The following MGAM2 variants were observed in gnomAD, a reference collection of about 807,000 sequenced individuals.
MGAM2 encodes maltase-glucoamylase 2 (putative), also known as probable maltase-glucoamylase 2.
MGAM2 carries 98 observed loss-of-function variants against 96.1 expected under a neutral mutation model. The ratio of observed to expected loss-of-function variants is 1.02; its 90% CI spans 0.87 to 1.21. The LOEUF is 1.21. Ranked by LOEUF, MGAM2 falls within the 50% of genes most tolerant of loss-of-function variation. The pLI, the probability that MGAM2 is intolerant of heterozygous loss-of-function variation, is 0.00. For synonymous variants in MGAM2, 749 were observed against 414.8 expected (o/e 1.81, Z -9.79); for missense variants, 2,055 against 1,182.4 (o/e 1.74, Z -10.82).
intron 3 of MGAM2, among the ~76,000 whole-genome samples, chr7:142,126,805 T>C (rs941377087): frequency 1.3e-5 from 2 of 152,152 alleles, no homozygotes; most frequent in Admixed American, 6.5e-5. Flanking sequence ...TTAGATTGAT[T>C]GATTTGCCAG....
chr7:142,179,562 T>C (rs73158460), intron 32 of MGAM2, among the ~76,000 whole-genome samples: 28,739 of 152,126 alleles, frequency 0.19, 2,992 homozygotes, highest in East Asian at 0.34. Context: ...GGTTTTATCA[T>C]GAAGGATGTT....
intron 37 of MGAM2, among the ~76,000 whole-genome samples, chr7:142,192,165 G>A (rs1796890449): frequency 6.6e-6 from 1 of 152,106 alleles, no homozygotes; most frequent in Admixed American, 6.6e-5. Context: ...AACAGGTGAT[G>A]TATCATGTTG....
At chr7:142,120,447 G>A (rs1585139101) in intron 3 of MGAM2, 66 bp downstream of exon 3, 1 of 682,708 alleles carries the variant, frequency 1.5e-6, no homozygotes, top group Non-Finnish European at 2.7e-6. Flanking sequence ...AATATGTGAA[G>A]TGGGGAAAGG....
chr7:142,153,824 TA>T (rs1795653860), intron 15 of MGAM2, among the ~76,000 whole-genome samples, 193 bp from the exon 16 acceptor site: 1 of 152,204 alleles, frequency 6.6e-6, no homozygotes, highest in African/African-American at 2.4e-5. Context: ...TGTACTGTCT[TA>T]TATGAGATCT....
chr7:142,220,013 C>T lies in MGAM2; in HGVS notation c.5502C>T (p.Thr1834=), dbSNP rs1186245949. Residue 1834 remains threonine, a synonymous_variant, in exon 48 of 48, where the codon ACC becomes ACT. Transcript: ENST00000477922. ...PMSSHPSPST[T]NATSSETITS... is the part of the protein sequence containing the mutation. ...GTTCTCATCCTTCTCCATCTACTAC[C>T]AATGCCACCAGTTCTGAGACAATCA... 1 of 702,776 alleles carries T rather than the reference C, an allele frequency of 1.4e-6. No individual in the cohort carries two copies. The highest frequency in any genetic ancestry group is 2.6e-6 in the Non-Finnish European group (1 of 384,942). The allele number at this position is 702,776 out of a possible 1,614,324, so 43.5% of individuals were successfully genotyped here.
At chr7:142,196,997 C>G (rs1015099818) in intron 40 of MGAM2, among the ~76,000 whole-genome samples, 181 bp downstream of exon 40, 2 of 152,074 alleles carry the variant, frequency 1.3e-5, no homozygotes, top group Non-Finnish European at 2.9e-5. Flanking sequence ...AGAAATATAC[C>G]TTTTCTCATC....
intron 47 of MGAM2, 111 bp downstream of exon 47, chr7:142,218,642 T>C: frequency 1.7e-6 from 1 of 590,146 alleles, no homozygotes; most frequent in South Asian, 2.2e-5. Context: ...TTTTCATGTA[T>C]TAGATGGTTA....
At chr7:142,112,003 T>C (rs1817188743) in intron 1 of MGAM2, among the ~76,000 whole-genome samples, 196 bp downstream of exon 1, 1 of 69,788 alleles carries the variant, frequency 1.4e-5, no homozygotes, top group Non-Finnish European at 2.9e-5. Context: ...AGAGACTGTG[T>C]GTGTGTGTGT....
rs139534776 is a variant in MGAM2, at chr7:142,150,169, G to A, written c.1634+2596G>A. On this transcript the variant is annotated intron_variant, in intron 15 of 47. Transcript: ENST00000477922. ...TTGGTCAGGCTAGTCTCAAACTCCC[G>A]ACCTCTGGTGATCCGCCCACCTCGG... Among the ~76,000 whole-genome samples the A allele has an allele frequency of 3.6e-3, 546 of 151,724 alleles. 5 individuals carry two copies. The East Asian group carries it at 0.054, about 15-fold the overall frequency.
intron 43 of MGAM2, 30 bp from the exon 44 acceptor site, chr7:142,198,585 G>T: frequency 2.9e-6 from 2 of 698,936 alleles, no homozygotes; most frequent in Admixed American, 2.0e-5. Context: ...TTTATCTCTC[G>T]CCATTTTTTG....
intron 45 of MGAM2, among the ~76,000 whole-genome samples, chr7:142,204,113 A>G (rs1210024457): frequency 6.6e-6 from 1 of 151,768 alleles, no homozygotes; most frequent in Non-Finnish European, 1.5e-5. Context: ...TTATCTACCT[A>G]TCTAGCTCTA....
At position 142,221,033 on chromosome 7, in the gene MGAM2, T is replaced by G. The variant is rs934748423; in HGVS notation, c.6522T>G (p.Pro2174=). 2.8e-6 allele frequency: 2 copies of G among 702,422 alleles called. No homozygotes were observed. The highest frequency in any genetic ancestry group is 5.2e-6 in the Non-Finnish European group (2 of 384,786). 43.5% of individuals were successfully genotyped at this position (702,422 alleles called of 1,614,324 possible). The part of the protein sequence containing the change: ...TSHTSTDDTV[P]NNTVPVTAIP... ...ATACAAGTACTGATGATACTGTTCCTAATAATACTGTTCCAGTTACAGCTA... is the reference window on the plus strand; with the variant it reads ...ATACAAGTACTGATGATACTGTTCCGAATAATACTGTTCCAGTTACAGCTA... Residue 2174 remains proline, a synonymous_variant, in exon 48 of 48, where the codon CCT becomes CCG. Coordinates refer to ENST00000477922, the MANE Select transcript of MGAM2 (RefSeq NM_001293626.2).
intron 44 of MGAM2, among the ~76,000 whole-genome samples, chr7:142,198,982 A>G (rs1010602911): frequency 1.3e-5 from 2 of 152,182 alleles, no homozygotes; most frequent in Non-Finnish European, 2.9e-5. Flanking sequence ...TCAAAGGCAA[A>G]AATTTTCCTG....
intron 45 of MGAM2, among the ~76,000 whole-genome samples, chr7:142,207,997 C>A (rs1797460853): frequency 6.6e-6 from 1 of 152,118 alleles, no homozygotes; most frequent in Non-Finnish European, 1.5e-5. Context: ...ACTTTGACGA[C>A]AGTGAGCAAT....
intron 23 of MGAM2, 53 bp from the exon 24 acceptor site, chr7:142,164,800 GATA>G (rs1795984139): frequency 1.7e-6 from 1 of 604,530 alleles, no homozygotes; most frequent in East Asian, 2.9e-5. Context: ...GGTATTTGGG[GATA>G]ATAAGGGTCT....
At chr7:142,201,395 C>T (rs1447439742) in intron 45 of MGAM2, among the ~76,000 whole-genome samples, 1 of 152,014 alleles carries the variant, frequency 6.6e-6, no homozygotes, top group Non-Finnish European at 1.5e-5. Flanking sequence ...TGAGTATTAA[C>T]CATTGTTTCC....
rs774137233 is a variant in MGAM2 at position 142,185,057 on chromosome 7, T to C, written c.3925-20T>C. 10 of 702,698 alleles carry C rather than the reference T, an allele frequency of 1.4e-5. No individual in the cohort carries two copies. Among genetic ancestry groups the C allele is most frequent in the Non-Finnish European group, 2.3e-5 (9 of 384,884 alleles). 43.5% of individuals were successfully genotyped at this position (702,698 alleles called of 1,614,324 possible). A position where few individuals can be genotyped will look rare whatever the true frequency, so the allele number is the denominator to read the frequency against. ...ATGCAAGGATCTGTAAAGGTTTTAA[T>C]TGCCCTTCTTTTTCTCTAGGTTTGG... On this transcript the variant is annotated intron_variant, in intron 33 of 47. Coordinates refer to ENST00000477922, the MANE Select transcript of MGAM2 (RefSeq NM_001293626.2).
chr7:142,174,185 A>T (rs6970939), intron 31 of MGAM2, among the ~76,000 whole-genome samples: 1 of 152,116 alleles, frequency 6.6e-6, no homozygotes, highest in Admixed American at 6.6e-5. Flanking sequence ...TACATATATG[A>T]ATTTTAAAAT....
chr7:142,197,242 T>C (rs1441399140), intron 40 of MGAM2, among the ~76,000 whole-genome samples, 158 bp from the exon 41 acceptor site: 1 of 152,072 alleles, frequency 6.6e-6, no homozygotes, highest in Non-Finnish European at 1.5e-5. Flanking sequence ...AATTCTAATT[T>C]TGTAGGGTGG....
Sources: allele counts gnomAD v4.1 joint callset (sites outside exome capture counted in the v4.1 genomes callset), GRCh38; gene constraint gnomAD v4.1.1; transcripts MANE v1.5; gene names NCBI Gene and HGNC (gene_info 2026-07-23, HGNC 2026-07-21).